HEPH: variants seen among roughly 807,000 people sequenced by gnomAD.
HEPH encodes the protein hephaestin.
Under a neutral mutation model 80.8 loss-of-function variants are expected in HEPH, and 69 were observed. That is an observed-to-expected ratio of 0.85 (90% confidence interval 0.70 to 1.04). The LOEUF is 1.04. HEPH is among the 50% of genes least tolerant of loss of function. The pLI is 0.00. For synonymous variants in HEPH, 431 were observed against 322.8 expected (o/e 1.34, Z -3.60); for missense variants, 1,115 against 891.3 (o/e 1.25, Z -3.20).
intron 2 of HEPH, among the ~76,000 whole-genome samples, chrX:66,171,708 A>G (rs937283509): frequency 8.9e-6 from 1 of 111,941 alleles, no homozygotes; most frequent in East Asian, 2.8e-4. Context: ...GAATAAATTC[A>G]TTATCCTTCA....
intron 3 of HEPH, 127 bp from the exon 4 acceptor site, chrX:66,173,462 G>A: frequency 2.1e-6 from 1 of 469,205 alleles, no homozygotes; most frequent in South Asian, 3.5e-5. Flanking sequence ...ATACTATGTA[G>A]GTCATTAGCA....
chrX:66,199,365 C>G (rs964637843), intron 11 of HEPH, among the ~76,000 whole-genome samples: 5 of 109,665 alleles, frequency 4.6e-5, no homozygotes, highest in African/African-American at 1.3e-4. Context: ...TTGGGTCCCC[C>G]CCCCCCATAC....
rs1177432333 is a variant in HEPH at position 66,204,222 on chromosome X, G to GA, written c.2291+647dup. Reference sequence around the variant, plus strand: ...ACTTTTTCTTATACTCTGTTGTTCTGAACTAATTCTTATGGCCATAATTGG... The same window carrying GA: ...ACTTTTTCTTATACTCTGTTGTTCTGAAACTAATTCTTATGGCCATAATTGG... On this transcript the variant is annotated intron_variant, in intron 13 of 20. Transcript: ENST00000343002. Among the ~76,000 whole-genome samples the GA allele has an allele frequency of 1.3e-4, 14 of 111,757 alleles. 1 individual carries two copies. The Middle Eastern group carries it at 0.014, about 111-fold the overall frequency.
At chrX:66,211,120 C>G (rs1032572370) in intron 15 of HEPH, among the ~76,000 whole-genome samples, 6 of 110,944 alleles carry the variant, frequency 5.4e-5, no homozygotes, top group Non-Finnish European at 9.5e-5. Context: ...TCATGATATG[C>G]ATGTAATCAC....
At chrX:66,260,886 C>A (rs2091338447) in intron 19 of HEPH, among the ~76,000 whole-genome samples, 2 of 110,945 alleles carry the variant, frequency 1.8e-5, no homozygotes, top group Admixed American at 1.9e-4. Flanking sequence ...CCCACATCAG[C>A]CTCCCAAGTA....
chrX:66,225,495 G>T (rs1183349150), intron 15 of HEPH, among the ~76,000 whole-genome samples: 2 of 112,619 alleles, frequency 1.8e-5, no homozygotes, highest in Non-Finnish European at 3.7e-5. Context: ...GAACTAAAGT[G>T]CTGGTACAGG....
intron 15 of HEPH, among the ~76,000 whole-genome samples, chrX:66,209,461 G>C (rs1232675374): frequency 8.9e-6 from 1 of 111,767 alleles, no homozygotes; most frequent in Admixed American, 9.5e-5. Flanking sequence ...CTACACTTTG[G>C]AAACAGGTGA....
chrX:66,259,870 G>C (rs182759744), intron 18 of HEPH, among the ~76,000 whole-genome samples: 1 of 109,158 alleles, frequency 9.2e-6, no homozygotes, highest in South Asian at 4.1e-4. Flanking sequence ...TACCATGCCC[G>C]GCAATTTTTT....
At chrX:66,228,373 A>G (rs1007107336) in intron 15 of HEPH, among the ~76,000 whole-genome samples, 1 of 112,704 alleles carries the variant, frequency 8.9e-6, no homozygotes, top group African/African-American at 3.2e-5. Context: ...CCTTATATAA[A>G]AATCAACTCA....
chrX:66,260,086 A>G lies in HEPH; in HGVS notation c.3037-14A>G, dbSNP rs779711175. On this transcript the variant is annotated splice_polypyrimidine_tract_variant and intron_variant, in intron 18 of 20. Transcript: ENST00000343002. ...CCTTCACTTCCTCTCCCTCATTCCC[A>G]ATCTCTCTTGCAGAATGGCGAGAAC... 65 of 1,199,028 alleles carry G rather than the reference A, an allele frequency of 5.4e-5. No individual in the cohort carries two copies. The highest frequency in any genetic ancestry group is 4.6e-4 in the Middle Eastern group (2 of 4,336).
chrX:66,245,112 C>G (rs1375009407), intron 15 of HEPH, among the ~76,000 whole-genome samples: 2 of 111,194 alleles, frequency 1.8e-5, no homozygotes, highest in African/African-American at 6.5e-5. Flanking sequence ...AAGACAGGAT[C>G]AAATTCACAC....
chrX:66,199,799 A>G (rs888603592), intron 11 of HEPH, among the ~76,000 whole-genome samples: 20 of 112,227 alleles, frequency 1.8e-4, no homozygotes, highest in African/African-American at 6.5e-4. Flanking sequence ...GTAGGATGCC[A>G]TAGAAAGAGA....
intron 15 of HEPH, among the ~76,000 whole-genome samples, chrX:66,238,294 T>C (rs757184009): frequency 4.5e-5 from 5 of 111,754 alleles, no homozygotes; most frequent in Non-Finnish European, 3.8e-5. Context: ...TCAGGAGCTC[T>C]TGTAAGGCAG....
chrX:66,195,059 C>T (rs747883174), intron 8 of HEPH, 39 bp from the exon 9 acceptor site: 1 of 1,096,499 alleles, frequency 9.1e-7, no homozygotes, highest in South Asian at 2.6e-5. Context: ...CTGTTTATCC[C>T]TTTCATCATT....
At position 66,256,123 on chromosome X, in the gene HEPH, G is replaced by A. The variant is rs1004307917; in HGVS notation, c.2689G>A (p.Val897Met). The A allele has an allele frequency of 2.5e-6, 3 of 1,207,991 alleles. No individual in the cohort carries two copies. Among genetic ancestry groups the A allele is most frequent in the Non-Finnish European group, 3.4e-6 (3 of 893,469 alleles). The change falls in exon 17 of 21, where the codon GTG (valine) becomes ATG (methionine). Residue 897 changes from valine (V) to methionine (M), a missense_variant. Coordinates refer to ENST00000343002, the MANE Select transcript of HEPH (RefSeq NM_001367233.3). ...DPIKDMYSGL[V>M]GPLAICQKGI... ...TCCTCAGGACATGTATAGTGGCCTG[G>A]TGGGGCCCTTGGCTATCTGCCAAAA...
At chrX:66,164,002 A>G (rs1381700468), upstream of HEPH, among the ~76,000 whole-genome samples, 1 of 112,026 alleles carries the variant, frequency 8.9e-6, no homozygotes, top group East Asian at 2.8e-4. Flanking sequence ...GGTGAGATGG[A>G]GGCTCTTTCA....
intron 15 of HEPH, among the ~76,000 whole-genome samples, chrX:66,221,472 T>G (rs978188455): frequency 6.2e-5 from 7 of 112,747 alleles, no homozygotes; most frequent in Non-Finnish European, 1.1e-4. Flanking sequence ...GGCCTTTATA[T>G]TCAGATTTTG....
chrX:66,258,800 T>TTTTTC (rs200256028), intron 17 of HEPH, 40 bp from the exon 18 acceptor site: 14,835 of 1,048,175 alleles, frequency 0.014, 103 homozygotes, highest in African/African-American at 0.029. Context: ...TGTAAGAAGC[T>TTTTTC]TTTTCTTTTC....
chrX:66,243,650 AT>A (rs2090694140), intron 15 of HEPH, among the ~76,000 whole-genome samples: 2 of 113,107 alleles, frequency 1.8e-5, no homozygotes, highest in Non-Finnish European at 1.9e-5. Context: ...GAATTGGGGC[AT>A]TTAACCAGTT....
Sources: gnomAD v4.1 joint callset for allele counts (sites outside exome capture counted in the v4.1 genomes callset) on GRCh38, gnomAD v4.1.1 for gene constraint, MANE v1.5 for transcripts, NCBI Gene and HGNC (gene_info 2026-07-23, HGNC 2026-07-21) for gene names.